Variants in RHOU observed in about 807,000 individuals in gnomAD.
The protein encoded by RHOU is rho-related GTP-binding protein RhoU.
RHOU carries 8 observed loss-of-function variants against 12.6 expected under a neutral mutation model. The ratio of observed to expected loss-of-function variants is 0.64; its 90% CI spans 0.37 to 1.15. The LOEUF is 1.15. Ranked by LOEUF, RHOU falls within the 50% of genes most tolerant of loss-of-function variation. The pLI, the probability that RHOU is intolerant of heterozygous loss-of-function variation, is 0.01. For missense variants in RHOU, 258 were observed against 347.0 expected (o/e 0.74, Z 2.04); for synonymous variants, 161 against 147.4 (o/e 1.09, Z -0.67).
the RHOU span, among the ~76,000 whole-genome samples, chr1:228,646,788 G>T: frequency 2.2e-4 from 34 of 151,988 alleles, no homozygotes; most frequent in Admixed American, 8.5e-4. Context: ...ACGCGAGCAC[G>T]GGTGCGCAGA....
In RHOU at chr1:228,737,693, C is replaced by T. The variant is rs377191885; in HGVS notation, c.283C>T (p.Arg95Trp). ...NFSAVVSVDG[R>W]PVRLQLCDTA... Reference sequence around the variant, plus strand: ...TTAAGCGGTGGTGTCTGTGGATGGGCGGCCCGTGAGACTCCAACTCTGTGA... The same window carrying T: ...TTAAGCGGTGGTGTCTGTGGATGGGTGGCCCGTGAGACTCCAACTCTGTGA... The change falls in exon 2 of 3, where the codon CGG (arginine) becomes TGG (tryptophan). Residue 95 changes from arginine (R) to tryptophan (W), a missense_variant. Coordinates refer to ENST00000366691, the MANE Select transcript of RHOU (RefSeq NM_021205.6). This position sits in a 1 kb window ranked among gnomAD's most constrained non-coding sequence, Gnocchi z 4.1. 2.4e-5 allele frequency: 39 copies of T among 1,613,972 alleles called. No homozygotes were observed. The highest frequency in any genetic ancestry group is 4.4e-5 in the South Asian group (4 of 91,082).
At chr1:228,677,825 G>A in the RHOU span, among the ~76,000 whole-genome samples, 1 of 152,146 alleles carries the variant, frequency 6.6e-6, no homozygotes, top group Non-Finnish European at 1.5e-5. Flanking sequence ...AATACCAAGA[G>A]CCTGAGAAAC....
At chr1:228,700,409 T>C in the RHOU span, among the ~76,000 whole-genome samples, 1 of 152,238 alleles carries the variant, frequency 6.6e-6, no homozygotes, top group Non-Finnish European at 1.5e-5. Context: ...TGGGAATTTC[T>C]TACCCAGTCT....
At chr1:228,719,937 A>G in the RHOU span, among the ~76,000 whole-genome samples, 2 of 152,092 alleles carry the variant, frequency 1.3e-5, no homozygotes, top group Non-Finnish European at 2.9e-5. Context: ...ATAATCCAAG[A>G]AAATTACATT....
chr1:228,669,210 G>A, the RHOU span, among the ~76,000 whole-genome samples: 63 of 152,342 alleles, frequency 4.1e-4, no homozygotes, highest in South Asian at 0.012. Flanking sequence ...ACCCCTGGCT[G>A]TTCCTGCTAG....
Position 228,743,663 on chromosome 1 carries a change from A to C in RHOU, c.700A>C (p.Lys234Gln). 1.9e-6 allele frequency: 3 copies of C among 1,614,162 alleles called. No homozygotes were observed. Among genetic ancestry groups the C allele is most frequent in the Non-Finnish European group, 2.5e-6 (3 of 1,180,022 alleles). The change falls in exon 3 of 3, where the codon AAG becomes CAG. Residue 234 changes from lysine to glutamine, a missense_variant. Lys to Gln is a moderately conservative substitution (Grantham distance 53). Coordinates refer to ENST00000366691, the MANE Select transcript of RHOU (RefSeq NM_021205.6). The surrounding 1 kb of genome is among the most constrained non-coding windows in gnomAD (Gnocchi z 5.1). ...QYSDTQQQPK[K>Q]SKSRTPDKMK... The stretch of plus-strand genomic sequence containing the variant: ...CTCGGACACTCAGCAACAGCCAAAG[A>C]AGTCTAAAAGCAGGACTCCAGATAA...
At chr1:228,687,757 C>T in the RHOU span, 13 of 1,402,448 alleles carry the variant, frequency 9.3e-6, no homozygotes, top group East Asian at 2.3e-5. Flanking sequence ...AAGATGGGAG[C>T]GCCCGAATCT....
At chr1:228,655,957 A>G in the RHOU span, among the ~76,000 whole-genome samples, 1 of 152,236 alleles carries the variant, frequency 6.6e-6, no homozygotes, top group South Asian at 2.1e-4. Flanking sequence ...TTACATAAAA[A>G]AATACTGTGA....
At chr1:228,682,651 G>A in the RHOU span, among the ~76,000 whole-genome samples, 2 of 152,158 alleles carry the variant, frequency 1.3e-5, no homozygotes, top group Admixed American at 6.6e-5. Flanking sequence ...TACAAAGTAC[G>A]TTGATCAGTT....
chr1:228,725,368 A>G, the RHOU span, among the ~76,000 whole-genome samples: 1 of 152,116 alleles, frequency 6.6e-6, no homozygotes, highest in Non-Finnish European at 1.5e-5. Flanking sequence ...GAGGTCTGGG[A>G]TTCAGTTCCA....
chr1:228,662,999 A>G, the RHOU span, among the ~76,000 whole-genome samples: 1 of 152,328 alleles, frequency 6.6e-6, no homozygotes, highest in Admixed American at 6.5e-5. Context: ...CCAGAGGTCC[A>G]CAACTACAGA....
chr1:228,647,231 T>C, the RHOU span, among the ~76,000 whole-genome samples: 1 of 152,162 alleles, frequency 6.6e-6, no homozygotes, highest in Non-Finnish European at 1.5e-5. Flanking sequence ...AATTGCTTGC[T>C]TTGGAGGTGG....
chr1:228,687,262 T>C, the RHOU span, among the ~76,000 whole-genome samples: 2,613 of 151,968 alleles, frequency 0.017, 21 homozygotes, highest in Middle Eastern at 0.051. Flanking sequence ...TCTGTACTCT[T>C]CTCTCTATTC....
the RHOU span, among the ~76,000 whole-genome samples, chr1:228,719,259 A>G: frequency 1.1e-4 from 17 of 152,180 alleles, no homozygotes; most frequent in Non-Finnish European, 1.6e-4. Flanking sequence ...TCCAATGTTT[A>G]TTGATCATTT....
chr1:228,739,698 G>A (rs551298345), intron 2 of RHOU, among the ~76,000 whole-genome samples: 24 of 152,236 alleles, frequency 1.6e-4, no homozygotes, highest in Admixed American at 1.0e-3. Context: ...GGAGCCTTAC[G>A]GGCTGGAGCA....
At chr1:228,740,863 G>A (rs965908414) in intron 2 of RHOU, among the ~76,000 whole-genome samples, 1 of 152,152 alleles carries the variant, frequency 6.6e-6, no homozygotes, top group Admixed American at 6.5e-5. Context: ...GGCTTTTCTT[G>A]TTAGGGAGGG....
chr1:228,652,169 C>G, the RHOU span, among the ~76,000 whole-genome samples: 2 of 152,208 alleles, frequency 1.3e-5, no homozygotes, highest in East Asian at 3.9e-4. Context: ...ATCATACCAT[C>G]AAGGTGGCGG....
At chr1:228,723,415 C>T in the RHOU span, among the ~76,000 whole-genome samples, 1 of 152,190 alleles carries the variant, frequency 6.6e-6, no homozygotes, top group Non-Finnish European at 1.5e-5. Context: ...ATGTCATTCA[C>T]GCAGCCCCTG....
At chr1:228,657,357 A>T in the RHOU span, among the ~76,000 whole-genome samples, 10 of 151,730 alleles carry the variant, frequency 6.6e-5, no homozygotes, top group Admixed American at 4.6e-4. Flanking sequence ...GCAAATAGTG[A>T]CCAAAAGAGA....
Sources: allele counts gnomAD v4.1 joint callset (sites outside exome capture counted in the v4.1 genomes callset), GRCh38; gene constraint gnomAD v4.1.1; non-coding constraint Gnocchi (gnomAD v3.1); transcripts MANE v1.5; gene names NCBI Gene and HGNC (gene_info 2026-07-23, HGNC 2026-07-21).